The following ARID1B variants were observed in gnomAD, a reference collection of about 807,000 sequenced individuals.
ARID1B encodes the protein AT-rich interactive domain-containing protein 1B.
ARID1B carries 30 observed loss-of-function variants against 212.3 expected under a neutral mutation model. That is an observed-to-expected ratio of 0.14 (90% CI 0.11 to 0.19). The LOEUF (loss-of-function observed/expected upper bound fraction) is 0.19, where lower values mean the gene tolerates loss of function less well. ARID1B is among the 10% of genes least tolerant of loss of function. ARID1B has a pLI of 1.00. For missense variants in ARID1B, 2,891 were observed against 3,204.0 expected, an observed-to-expected ratio of 0.90 and a Z score of 2.36; for synonymous variants, 1,402 against 1,301.7, an observed-to-expected ratio of 1.08 and a Z score of -1.66.
At chr6:157,042,569 T>C (rs1462188182) in intron 4 of ARID1B, among the ~76,000 whole-genome samples, 1 of 152,124 alleles carries the variant, frequency 6.6e-6, no homozygotes, top group Non-Finnish European at 1.5e-5. Context: ...GGGAAGCATA[T>C]TGTATTACTC....
chr6:156,991,770 G>GT (rs1778290243), intron 4 of ARID1B, among the ~76,000 whole-genome samples: 1 of 152,100 alleles, frequency 6.6e-6, no homozygotes, highest in Non-Finnish European at 1.5e-5. Flanking sequence ...AACGTCCTGA[G>GT]TTTTTTCCCA....
rs1342465785 is a variant in ARID1B, at chr6:157,157,993, G to T, written c.3089+9042G>T. 2.0e-5 allele frequency among the ~76,000 whole-genome samples: 3 copies of T among 152,194 alleles called. No individual in the cohort carries two copies. The East Asian group carries it at 5.8e-4, about 29-fold the overall frequency. Reference sequence around the variant, plus strand: ...AGCGAGGATCGTGCCAGTGCACTCTGGCCTGGAGTAAAACAGTAAGACCCT... The same window carrying T: ...AGCGAGGATCGTGCCAGTGCACTCTTGCCTGGAGTAAAACAGTAAGACCCT... On this transcript the variant is annotated intron_variant, in intron 8 of 19. Coordinates refer to ENST00000636930, the MANE Select transcript of ARID1B (RefSeq NM_001374828.1).
In ARID1B at chr6:157,046,868, A is replaced by G. The variant is rs140959250; in HGVS notation, c.2248-37794A>G. Among the ~76,000 whole-genome samples the G allele has an allele frequency of 4.4e-3, 675 of 152,170 alleles. 4 individuals carry two copies. Among genetic ancestry groups the G allele is most frequent in the African/African-American group, 0.015 (643 of 41,518 alleles). On this transcript the variant is annotated intron_variant, in intron 4 of 19. Coordinates refer to ENST00000636930, the MANE Select transcript of ARID1B (RefSeq NM_001374828.1). ...AGAAAATGTAACCTAAGATTTTTTC[A>G]ATTTCTTTTTTTCACAATGAAAAAG...
chr6:157,080,027 G>A (rs1031464128), intron 4 of ARID1B, among the ~76,000 whole-genome samples: 2 of 152,110 alleles, frequency 1.3e-5, no homozygotes, highest in African/African-American at 4.8e-5. Flanking sequence ...ATCATTAACT[G>A]TATCCTATTA....
chr6:156,810,754 G>A (rs768756772), intron 1 of ARID1B, among the ~76,000 whole-genome samples: 29 of 152,206 alleles, frequency 1.9e-4, no homozygotes, highest in Admixed American at 2.6e-4. Flanking sequence ...GAATGTGAGA[G>A]CACCAACACC....
chr6:156,860,377 G>T (rs916322725), intron 2 of ARID1B, among the ~76,000 whole-genome samples: 24 of 147,778 alleles, frequency 1.6e-4, no homozygotes, highest in Middle Eastern at 6.8e-3. Context: ...TTTTGGTTTT[G>T]ATTGGAATGA....
At chr6:157,030,266 A>T (rs778804473) in intron 4 of ARID1B, 1 of 152,280 alleles carries the variant, frequency 6.6e-6, no homozygotes, top group African/African-American at 2.4e-5. Flanking sequence ...GGGCTTGTTC[A>T]TGTGGTGGTT....
chr6:157,178,048 A>C (rs1165323146), intron 11 of ARID1B, among the ~76,000 whole-genome samples: 1 of 152,180 alleles, frequency 6.6e-6, no homozygotes, highest in Non-Finnish European at 1.5e-5. Context: ...GGCTGTGGTC[A>C]TTGCCTGCCC....
rs1053676549 is a variant in ARID1B at position 157,200,313 on chromosome 6, C to T, written c.4480-392C>T. ...CTTTTACCCCAAGACCCTTTCAGGC[C>T]GGCCCCTGGATGCTGGCTTTCCTGT... On this transcript the variant is annotated intron_variant, in intron 17 of 19. Coordinates refer to ENST00000636930, the MANE Select transcript of ARID1B (RefSeq NM_001374828.1). The surrounding 1 kb of genome is among the most constrained non-coding windows in gnomAD (Gnocchi z 4.3). Among the ~76,000 whole-genome samples, 21 of 152,122 alleles carry T rather than the reference C, an allele frequency of 1.4e-4. No homozygotes were observed. Among genetic ancestry groups the T allele is most frequent in the African/African-American group, 4.3e-4 (18 of 41,416 alleles).
chr6:157,165,362 C>T (rs1408057912), intron 8 of ARID1B, among the ~76,000 whole-genome samples: 1 of 152,226 alleles, frequency 6.6e-6, no homozygotes, highest in Non-Finnish European at 1.5e-5. Context: ...CTTTCAGCTT[C>T]TAACAGTGTT....
In ARID1B at chr6:157,167,051, T is replaced by C; in HGVS notation, c.3101T>C (p.Phe1034Ser). Residue 1034 changes from phenylalanine (F) to serine (S), a missense_variant, in exon 9 of 20, where the codon TTC becomes TCC. Physicochemically the swap from Phe to Ser is radical, Grantham distance 155. This residue lies in a region of ARID1B where 1,643 missense variants were observed against 1,544.0 expected (regional missense o/e 1.06). Coordinates refer to ENST00000636930, the MANE Select transcript of ARID1B (RefSeq NM_001374828.1). ...ANSAQSRQGS[F>S]PGMNQSGLMA... ...TTCTCTTCCTGTAGGCAAGGCAGTT[T>C]CCCCGGCATGAACCAGAGTGGACTT... is the stretch of plus-strand genomic sequence containing the variant. 1 of 1,611,624 alleles carries C rather than the reference T, an allele frequency of 6.2e-7. No homozygotes were observed. Among genetic ancestry groups the C allele is most frequent in the Non-Finnish European group, 8.5e-7 (1 of 1,180,006 alleles).
rs1384079948 is a variant in ARID1B, at chr6:157,206,625, G to T, written c.5853G>T (p.Glu1951Asp). 4.3e-6 allele frequency: 7 copies of T among 1,613,884 alleles called. No individual in the cohort carries two copies. The highest frequency in any genetic ancestry group is 5.9e-6 in the Non-Finnish European group (7 of 1,180,018). ...HWQLGGGDTT[E>D]HIQTHFESKM... ...AGCTCGGCGGGGGTGACACCACCGA[G>T]CACATTCAGACTCACTTTGAGAGCA... is the stretch of plus-strand genomic sequence containing the variant. Residue 1951 changes from glutamate (E) to aspartate (D), a missense_variant, in exon 20 of 20, where the codon GAG becomes GAT. Around this residue, in one of 7 missense-constraint regions of ARID1B, gnomAD observed 332 missense variants for 369.2 expected, o/e 0.90. Coordinates refer to ENST00000636930, the MANE Select transcript of ARID1B (RefSeq NM_001374828.1). The surrounding 1 kb of genome is among the most constrained non-coding windows in gnomAD (Gnocchi z 6.8).
chr6:156,880,655 G>T (rs935152498), intron 2 of ARID1B, among the ~76,000 whole-genome samples: 1 of 141,610 alleles, frequency 7.1e-6, no homozygotes, highest in Non-Finnish European at 1.5e-5. Context: ...AAGAGTTTCA[G>T]TTGAACCCCG....
chr6:157,197,855 G>C (rs534976178), intron 16 of ARID1B, among the ~76,000 whole-genome samples: 1 of 152,288 alleles, frequency 6.6e-6, no homozygotes, highest in Admixed American at 6.5e-5. Flanking sequence ...TTTTACCCAT[G>C]TCAATTACAT....
intron 4 of ARID1B, among the ~76,000 whole-genome samples, chr6:157,064,439 G>A (rs1783544791): frequency 6.6e-6 from 1 of 152,180 alleles, no homozygotes; most frequent in South Asian, 2.1e-4. Flanking sequence ...TTTTTATGAT[G>A]ATACGGAAAC....
intron 4 of ARID1B, among the ~76,000 whole-genome samples, chr6:156,945,302 G>T (rs1793032955): frequency 1.5e-5 from 2 of 130,616 alleles, no homozygotes; most frequent in Admixed American, 1.7e-4. Flanking sequence ...TTTGATCTGG[G>T]TAGAGTGGTG....
Position 157,207,059 on chromosome 6 carries a change from T to G in ARID1B, c.6287T>G (p.Leu2096Arg). The G allele has an allele frequency of 6.2e-7, 1 of 1,614,238 alleles. No individual in the cohort carries two copies. Among genetic ancestry groups the G allele is most frequent in the Non-Finnish European group, 8.5e-7 (1 of 1,180,042 alleles). Reference sequence around the variant, plus strand: ...ATGTCCAAACATCCAGGCCTGGTGCTGATCCTGGGGAAGCTGATTCTTCTT... The same window carrying G: ...ATGTCCAAACATCCAGGCCTGGTGCGGATCCTGGGGAAGCTGATTCTTCTT... ...AEMSKHPGLV[L>R]ILGKLILLHH... Residue 2096 changes from leucine to arginine, a missense_variant, in exon 20 of 20, where the codon CTG (leucine) becomes CGG (arginine). Around this residue, in one of 7 missense-constraint regions of ARID1B, gnomAD observed 19 missense variants for 52.9 expected, o/e 0.36. Transcript: ENST00000636930. The surrounding 1 kb of genome is among the most constrained non-coding windows in gnomAD (Gnocchi z 8.5).
At chr6:157,062,090 G>A (rs1351453697) in intron 4 of ARID1B, among the ~76,000 whole-genome samples, 1 of 152,186 alleles carries the variant, frequency 6.6e-6, no homozygotes, top group African/African-American at 2.4e-5. Flanking sequence ...GTTTGACAAA[G>A]CAGTCATGAT....
chr6:156,999,363 G>T (rs971381662), intron 4 of ARID1B, among the ~76,000 whole-genome samples: 1 of 152,224 alleles, frequency 6.6e-6, no homozygotes, highest in Non-Finnish European at 1.5e-5. Context: ...ATTTCCTCAT[G>T]TATAAAACGA....
Sources: allele counts gnomAD v4.1 joint callset (sites outside exome capture counted in the v4.1 genomes callset), GRCh38; gene constraint gnomAD v4.1.1; regional missense constraint gnomAD v4.1.1; non-coding constraint Gnocchi (gnomAD v3.1); transcripts MANE v1.5; gene names NCBI Gene and HGNC (gene_info 2026-07-23, HGNC 2026-07-21).